Variants in LRRK1 observed in about 807,000 individuals in gnomAD.
The protein encoded by LRRK1 is leucine-rich repeat serine/threonine-protein kinase 1.
In LRRK1, 113 loss-of-function variants were observed where a neutral mutation model predicts 209.1. That is an observed-to-expected ratio of 0.54 (90% CI 0.46 to 0.63). The LOEUF (loss-of-function observed/expected upper bound fraction) is 0.63. LRRK1 is among the 30% of genes least tolerant of loss of function. The pLI, the probability that LRRK1 is intolerant of heterozygous loss-of-function variation, is 0.00. For synonymous variants in LRRK1, 1,144 were observed against 1,099.7 expected, an observed-to-expected ratio of 1.04 and a Z score of -0.80; for missense variants, 2,284 against 2,632.2, an observed-to-expected ratio of 0.87 and a Z score of 2.89.
chr15:101,029,881 C>CA (rs1309195845), intron 20 of LRRK1, among the ~76,000 whole-genome samples: 1 of 151,636 alleles, frequency 6.6e-6, no homozygotes, highest in Non-Finnish European at 1.5e-5. Context: ...ACAACAACAA[C>CA]AAAAAAAGAA....
intron 4 of LRRK1, among the ~76,000 whole-genome samples, chr15:100,986,261 G>A (rs1461463493): frequency 6.6e-6 from 1 of 152,010 alleles, no homozygotes; most frequent in African/African-American, 2.4e-5. Context: ...GAGAAGAAGA[G>A]GGATGAGAGG....
At chr15:101,067,009 T>G (rs1014317171) in intron 33 of LRRK1, among the ~76,000 whole-genome samples, 1 of 152,144 alleles carries the variant, frequency 6.6e-6, no homozygotes, top group Non-Finnish European at 1.5e-5. Flanking sequence ...AACGAATGTC[T>G]CCAGGGCCAG....
At chr15:100,977,830 C>G (rs750272579) in intron 3 of LRRK1, among the ~76,000 whole-genome samples, 51 of 152,248 alleles carry the variant, frequency 3.3e-4, no homozygotes, top group Non-Finnish European at 4.6e-4. Flanking sequence ...TAAAAAATTA[C>G]TCGTAATTAC....
rs751022115 is a variant in LRRK1, at chr15:101,065,580, G to A, written c.5143G>A (p.Val1715Ile). 12 of 1,614,124 alleles carry A rather than the reference G, an allele frequency of 7.4e-6. No homozygotes were observed. Among genetic ancestry groups the A allele is most frequent in the Non-Finnish European group, 6.8e-6 (8 of 1,180,042 alleles). Reference protein sequence around the residue: ...VWYSNGPGLLVIDCASLEICR... With the variant: ...VWYSNGPGLLIIDCASLEICR... ...GTACAGCAATGGGCCGGGCCTCCTTGTCATCGACTGTGCCTCCCTGGAGAT... is the reference window on the plus strand; with the variant it reads ...GTACAGCAATGGGCCGGGCCTCCTTATCATCGACTGTGCCTCCCTGGAGAT... The change falls in exon 32 of 34, where the codon GTC becomes ATC. Residue 1715 changes from valine (V) to isoleucine (I), a missense_variant. Coordinates refer to ENST00000388948, the MANE Select transcript of LRRK1 (RefSeq NM_024652.6).
At chr15:100,941,192 ATG>A (rs1201908521) in intron 2 of LRRK1, among the ~76,000 whole-genome samples, 9 of 126,684 alleles carry the variant, frequency 7.1e-5, no homozygotes, top group African/African-American at 1.9e-4. Flanking sequence ...GTCTTTGTGC[ATG>A]TGTGTTTCTG....
chr15:101,061,982 T>G (rs1246430549), intron 30 of LRRK1, among the ~76,000 whole-genome samples: 1 of 152,258 alleles, frequency 6.6e-6, no homozygotes, highest in East Asian at 1.9e-4. Flanking sequence ...CACTCCAGCC[T>G]TGCGTACCAC....
Position 101,077,704 on chromosome 15 carries a change from C to T in LRRK1, c.*8856C>T, listed in dbSNP as rs940821790. On this transcript the variant is annotated 3_prime_UTR_variant, in exon 34 of 34. Coordinates refer to ENST00000388948, the MANE Select transcript of LRRK1 (RefSeq NM_024652.6). ...TCCCACTCTAGGTTCCCACGCCGCCCCGAATCCCGCTCGAAGCAGCCCTGA... is the reference window on the plus strand; with the variant it reads ...TCCCACTCTAGGTTCCCACGCCGCCTCGAATCCCGCTCGAAGCAGCCCTGA... 2.0e-5 allele frequency: 3 copies of T among 152,164 alleles called. No homozygotes were observed. The highest frequency in any genetic ancestry group is 4.4e-5 in the Non-Finnish European group (3 of 68,034). 9.4% of individuals were successfully genotyped at this position (152,164 alleles called of 1,614,324 possible).
intron 1 of LRRK1, among the ~76,000 whole-genome samples, chr15:100,922,850 C>G (rs2042044205): frequency 6.6e-6 from 1 of 152,294 alleles, no homozygotes; most frequent in East Asian, 1.9e-4. Flanking sequence ...GAAACATGTG[C>G]AGCTTGCACA....
chr15:101,068,839 G>A lies in LRRK1; in HGVS notation c.6039G>A (p.Lys2013=), dbSNP rs1366110618. Residue 2013 remains lysine (K), a synonymous_variant, in exon 34 of 34, where the codon AAG becomes AAA. Coordinates refer to ENST00000388948, the MANE Select transcript of LRRK1 (RefSeq NM_024652.6). ...ELGRLEACTR[K]RR ...GCCGGCTGGAGGCTTGCACTCGCAA[G>A]AGAAGGTAATTCCTGTGGAATGACT... 7 of 1,600,966 alleles carry A rather than the reference G, an allele frequency of 4.4e-6. No individual in the cohort carries two copies. Among genetic ancestry groups the A allele is most frequent in the Non-Finnish European group, 6.0e-6 (7 of 1,173,590 alleles).
At chr15:100,951,090 G>A (rs573551819) in intron 2 of LRRK1, among the ~76,000 whole-genome samples, 31 of 152,334 alleles carry the variant, frequency 2.0e-4, no homozygotes, top group Non-Finnish European at 4.3e-4. Flanking sequence ...GCTACAGAGT[G>A]AGACTCCGTC....
chr15:101,048,724 CAGCAGG>C, intron 22 of LRRK1, 67 bp downstream of exon 22: 1 of 1,308,696 alleles, frequency 7.6e-7, no homozygotes, highest in Non-Finnish European at 1.0e-6. Context: ...GGGGCCACGT[CAGCAGG>C]ATGCCTCATC....
chr15:100,992,842 T>C (rs1031161515), intron 6 of LRRK1, among the ~76,000 whole-genome samples: 4 of 152,204 alleles, frequency 2.6e-5, no homozygotes, highest in Admixed American at 2.0e-4. Flanking sequence ...CTGATTTTTG[T>C]ATTTTTAGTA....
At chr15:100,972,812 A>G (rs1441334296) in intron 2 of LRRK1, among the ~76,000 whole-genome samples, 1 of 152,090 alleles carries the variant, frequency 6.6e-6, no homozygotes, top group Non-Finnish European at 1.5e-5. Flanking sequence ...CTGCTCATCC[A>G]TCGCAGTCTT....
intron 2 of LRRK1, among the ~76,000 whole-genome samples, chr15:100,957,211 C>A (rs1265736345): frequency 6.6e-6 from 1 of 152,170 alleles, no homozygotes; most frequent in African/African-American, 2.4e-5. Flanking sequence ...TATGGCCCAA[C>A]ATATGACATT....
At position 101,077,329 on chromosome 15, in the gene LRRK1, A is replaced by G; in HGVS notation, c.*8481A>G. The G allele has an allele frequency of 6.6e-6, 1 of 152,184 alleles. No homozygotes were observed. Among genetic ancestry groups the G allele is most frequent in the East Asian group, 1.9e-4 (1 of 5,202 alleles). 9.4% of individuals were successfully genotyped at this position (152,184 alleles called of 1,614,324 possible). On this transcript the variant is annotated 3_prime_UTR_variant, in exon 34 of 34. Transcript: ENST00000388948. Reference sequence around the variant, plus strand: ...TCCTATTCACCATTCTCAACTACTCATACGTGCCCTGCTCTTGTTTACACT... The same window carrying G: ...TCCTATTCACCATTCTCAACTACTCGTACGTGCCCTGCTCTTGTTTACACT...
intron 3 of LRRK1, among the ~76,000 whole-genome samples, chr15:100,974,411 C>CA: frequency 6.7e-6 from 1 of 149,428 alleles, no homozygotes; most frequent in South Asian, 2.1e-4. Context: ...TATTTTCTTC[C>CA]AGCCTGCCGA....
chr15:101,066,857 C>A, intron 33 of LRRK1, 116 bp downstream of exon 33: 1 of 939,550 alleles, frequency 1.1e-6, no homozygotes, highest in Admixed American at 2.1e-5. Flanking sequence ...AATAGCATAG[C>A]CACTAACGTG....
At chr15:101,033,147 T>A (rs1596301760) in intron 20 of LRRK1, among the ~76,000 whole-genome samples, 1 of 152,218 alleles carries the variant, frequency 6.6e-6, no homozygotes, top group Admixed American at 6.5e-5. Context: ...ATTTCTTTTA[T>A]CAATACATAA....
chr15:100,933,326 A>G (rs2042242476), intron 2 of LRRK1, among the ~76,000 whole-genome samples: 1 of 152,044 alleles, frequency 6.6e-6, no homozygotes, highest in African/African-American at 2.4e-5. Flanking sequence ...GTCCTCTTCC[A>G]TTCCTGCTGC....
Sources: gnomAD v4.1 joint callset for allele counts (sites outside exome capture counted in the v4.1 genomes callset) on GRCh38, gnomAD v4.1.1 for gene constraint, MANE v1.5 for transcripts, NCBI Gene and HGNC (gene_info 2026-07-23, HGNC 2026-07-21) for gene names.